Variants in SPATA16 observed in about 807,000 individuals in gnomAD.
SPATA16 encodes spermatogenesis associated 16, also known as spermatogenesis-associated protein 16.
Under a neutral mutation model 63.3 loss-of-function variants are expected in SPATA16, and 36 were observed. The ratio of observed to expected loss-of-function variants is 0.57; its 90% CI spans 0.44 to 0.75. SPATA16 has a LOEUF of 0.75. SPATA16 is among the 30% of genes least tolerant of loss of function. The probability of loss-of-function intolerance (pLI) is 0.00; values close to 1 mark genes in which losing one functional copy is unlikely to be tolerated. For missense variants in SPATA16, 646 were observed against 679.3 expected (o/e 0.95, Z 0.54); for synonymous variants, 203 against 216.7 (o/e 0.94, Z 0.56).
chr3:173,003,799 G>A (rs184956476), intron 4 of SPATA16, among the ~76,000 whole-genome samples: 1 of 152,314 alleles, frequency 6.6e-6, no homozygotes, highest in Non-Finnish European at 1.5e-5. Context: ...CAGCAGCAAT[G>A]ACTAATTGAG....
intron 5 of SPATA16, among the ~76,000 whole-genome samples, chr3:172,961,126 CT>C (rs1733773896): frequency 7.5e-6 from 1 of 132,576 alleles, no homozygotes; most frequent in Admixed American, 8.5e-5. Flanking sequence ...TCCTTCCTTC[CT>C]TTCTCTTTCT....
At chr3:173,132,121 T>C (rs1369929809) in intron 1 of SPATA16, among the ~76,000 whole-genome samples, 1 of 152,036 alleles carries the variant, frequency 6.6e-6, no homozygotes, top group Non-Finnish European at 1.5e-5. Flanking sequence ...CTTTATAGAG[T>C]ATTAGATTCT....
chr3:173,037,838 A>C (rs913748829), intron 3 of SPATA16, among the ~76,000 whole-genome samples: 2 of 152,154 alleles, frequency 1.3e-5, no homozygotes, highest in Non-Finnish European at 2.9e-5. Flanking sequence ...ACAGAAAAGA[A>C]AATGAGGAAT....
intron 1 of SPATA16, among the ~76,000 whole-genome samples, chr3:173,122,421 G>A (rs1347610250): frequency 6.6e-6 from 1 of 151,950 alleles, no homozygotes; most frequent in Non-Finnish European, 1.5e-5. Flanking sequence ...GAAATAGGCA[G>A]CTCAAACATG....
chr3:173,107,238 T>A (rs1577177925), intron 2 of SPATA16, among the ~76,000 whole-genome samples: 2 of 151,814 alleles, frequency 1.3e-5, no homozygotes, highest in Non-Finnish European at 2.9e-5. Flanking sequence ...TTGGTGTAAT[T>A]TGCTCTGTAA....
rs760616022 is a variant in SPATA16, at chr3:173,117,291, C to G, written c.441G>C (p.Gly147=). 2 of 1,614,034 alleles carry G rather than the reference C, an allele frequency of 1.2e-6. No individual in the cohort carries two copies. Among genetic ancestry groups the G allele is most frequent in the Admixed American group, 3.3e-5 (2 of 59,994 alleles). ...CAGCAGCTTGGCATGTTGGCTGACT[C>G]CCAGTAGACATGAAGGACTCTACAA... ...YEFVESFMST[G]SQPTCQAAEI... The change falls in exon 2 of 11, where the codon GGG becomes GGC. Residue 147 remains glycine, a synonymous_variant. Coordinates refer to ENST00000351008, the MANE Select transcript of SPATA16 (RefSeq NM_031955.6).
chr3:173,127,980 G>T (rs889009311), intron 1 of SPATA16, among the ~76,000 whole-genome samples: 2 of 152,146 alleles, frequency 1.3e-5, no homozygotes, highest in African/African-American at 4.8e-5. Flanking sequence ...CATCATAAGA[G>T]TACTCAGATG....
intron 6 of SPATA16, among the ~76,000 whole-genome samples, chr3:172,954,006 T>A (rs1733512540): frequency 6.6e-6 from 1 of 152,226 alleles, no homozygotes; most frequent in African/African-American, 2.4e-5. Context: ...AGTCTATTCA[T>A]ACTGGTTGCA....
intron 2 of SPATA16, among the ~76,000 whole-genome samples, chr3:173,049,983 A>T (rs1736048230): frequency 6.6e-6 from 1 of 151,970 alleles, no homozygotes; most frequent in Admixed American, 6.6e-5. Flanking sequence ...ACTTCCATCT[A>T]TGCATATACT....
intron 2 of SPATA16, among the ~76,000 whole-genome samples, chr3:173,103,792 A>C (rs1171401453): frequency 2.0e-5 from 3 of 152,228 alleles, no homozygotes; most frequent in Admixed American, 6.5e-5. Context: ...AATCTTTCTA[A>C]CAAGTGGTTG....
chr3:172,937,162 G>GA (rs1006080643), intron 6 of SPATA16, among the ~76,000 whole-genome samples: 12 of 151,568 alleles, frequency 7.9e-5, no homozygotes, highest in East Asian at 1.9e-4. Flanking sequence ...AATATTGTGA[G>GA]AAAAAAAAAT....
chr3:173,016,531 C>A (rs955304307), intron 4 of SPATA16, among the ~76,000 whole-genome samples: 2 of 152,176 alleles, frequency 1.3e-5, no homozygotes, highest in Non-Finnish European at 2.9e-5. Context: ...GTTTTAGGAT[C>A]TCCTAAGTCA....
intron 4 of SPATA16, among the ~76,000 whole-genome samples, chr3:172,992,505 G>A (rs1457810868): frequency 4.6e-5 from 7 of 151,974 alleles, no homozygotes; most frequent in Admixed American, 4.6e-4. Context: ...CTTAAAGGAA[G>A]GTAGGGGACT....
intron 6 of SPATA16, among the ~76,000 whole-genome samples, chr3:172,938,691 C>T (rs1450975987): frequency 6.6e-6 from 1 of 152,236 alleles, no homozygotes; most frequent in South Asian, 2.1e-4. Flanking sequence ...AAATAAATAA[C>T]TTGATAAGCA....
chr3:173,115,897 T>C (rs6789688), intron 2 of SPATA16, among the ~76,000 whole-genome samples: 15,777 of 149,964 alleles, frequency 0.11, 1,043 homozygotes, highest in East Asian at 0.31. Flanking sequence ...ATTTTTTTTT[T>C]CTTTTTTTTT....
At chr3:173,027,517 T>A (rs988975989) in intron 3 of SPATA16, among the ~76,000 whole-genome samples, 6 of 151,972 alleles carry the variant, frequency 3.9e-5, no homozygotes, top group Non-Finnish European at 7.4e-5. Flanking sequence ...CAGACTTGAA[T>A]TTTACTGTTT....
chr3:173,005,421 C>T lies in SPATA16; in HGVS notation c.848+14065G>A, dbSNP rs1734921650. 2.0e-5 allele frequency among the ~76,000 whole-genome samples: 3 copies of T among 151,596 alleles called. No individual in the cohort carries two copies. In the South Asian group the frequency reaches 6.2e-4, roughly 32 times the overall value. ...GAGATTTAACATGACATTTTGGGGC[C>T]TCTCTGTGTTCCCTCTTTTGTAGTT... is the stretch of plus-strand genomic sequence containing the variant. On this transcript the variant is annotated intron_variant, in intron 4 of 10. Transcript: ENST00000351008.
intron 6 of SPATA16, among the ~76,000 whole-genome samples, chr3:172,945,420 C>T (rs75588602): frequency 0.054 from 8,263 of 152,212 alleles, 753 homozygotes; most frequent in African/African-American, 0.19. Flanking sequence ...ACAAGAAATA[C>T]CTTCATAAGA....
intron 3 of SPATA16, among the ~76,000 whole-genome samples, chr3:173,046,292 A>C (rs1167365499): frequency 1.3e-5 from 2 of 152,014 alleles, no homozygotes; most frequent in Non-Finnish European, 2.9e-5. Context: ...GCCACTTCGG[A>C]TATGTTATGA....
Sources: allele counts gnomAD v4.1 joint callset (sites outside exome capture counted in the v4.1 genomes callset), GRCh38; gene constraint gnomAD v4.1.1; transcripts MANE v1.5; gene names NCBI Gene and HGNC (gene_info 2026-07-23, HGNC 2026-07-21).